Variants in TMEM117 observed in about 807,000 individuals in gnomAD.
TMEM117 encodes the protein transmembrane protein 117.
A neutral mutation model predicts 52.4 loss-of-function variants in TMEM117; 27 were observed. The observed-to-expected ratio is 0.51, with a 90% CI of 0.38 to 0.71. The LOEUF is 0.71. TMEM117 is among the 30% of genes least tolerant of loss of function. TMEM117 has a pLI of 0.00. For synonymous variants in TMEM117, 215 were observed against 206.3 expected, an observed-to-expected ratio of 1.04 and a Z score of -0.36; for missense variants, 556 against 630.5, an observed-to-expected ratio of 0.88 and a Z score of 1.26.
intron 3 of TMEM117, among the ~76,000 whole-genome samples, chr12:43,961,355 T>C (rs1266981207): frequency 6.6e-6 from 1 of 152,002 alleles, no homozygotes; most frequent in East Asian, 1.9e-4. Flanking sequence ...CATGCAATTG[T>C]AATAGTTATT....
At chr12:44,226,509 G>A (rs750743548) in intron 5 of TMEM117, among the ~76,000 whole-genome samples, 1 of 151,882 alleles carries the variant, frequency 6.6e-6, no homozygotes, top group Non-Finnish European at 1.5e-5. Context: ...ATATGTGTGT[G>A]TGTGTGTGTG....
At chr12:44,001,554 C>A (rs906313870) in intron 3 of TMEM117, among the ~76,000 whole-genome samples, 1 of 151,988 alleles carries the variant, frequency 6.6e-6, no homozygotes, top group Admixed American at 6.6e-5. Context: ...TTTGTGGGGG[C>A]TACACGGAGG....
chr12:43,888,329 C>T lies in TMEM117; in HGVS notation c.277+43401C>T, dbSNP rs75690895. 7.9e-3 allele frequency among the ~76,000 whole-genome samples: 1,200 copies of T among 152,210 alleles called. 10 individuals are homozygous for T. Among genetic ancestry groups the T allele is most frequent in the Middle Eastern group, 0.034 (10 of 294 alleles). ...GTGATTCTATGTAGTATGAATAATC[C>T]TTTCCCATATCTTATTGATCAGATA... On this transcript the variant is annotated intron_variant, in intron 2 of 7. Coordinates refer to ENST00000266534, the MANE Select transcript of TMEM117 (RefSeq NM_032256.3).
At chr12:44,170,807 C>T (rs1347968462) in intron 4 of TMEM117, among the ~76,000 whole-genome samples, 4 of 152,068 alleles carry the variant, frequency 2.6e-5, no homozygotes, top group South Asian at 2.1e-4. Context: ...AAAAATGATG[C>T]GGAGTACCTT....
chr12:44,197,489 A>G (rs1949436612), intron 4 of TMEM117, among the ~76,000 whole-genome samples: 1 of 152,174 alleles, frequency 6.6e-6, no homozygotes, highest in Non-Finnish European at 1.5e-5. Context: ...TTAGCCACCC[A>G]TAAGGAATGG....
chr12:43,982,840 G>A (rs892451562), intron 3 of TMEM117, among the ~76,000 whole-genome samples: 2 of 152,104 alleles, frequency 1.3e-5, no homozygotes, highest in South Asian at 2.1e-4. Context: ...AAAGACTTGA[G>A]CTATACAAAT....
At chr12:44,270,457 A>T (rs1320164078) in intron 5 of TMEM117, among the ~76,000 whole-genome samples, 1 of 152,148 alleles carries the variant, frequency 6.6e-6, no homozygotes, top group Non-Finnish European at 1.5e-5. Context: ...ATTTGTGTGC[A>T]TTAATTTTGT....
intron 5 of TMEM117, among the ~76,000 whole-genome samples, chr12:44,270,083 T>C (rs191117528): frequency 6.6e-6 from 1 of 152,294 alleles, no homozygotes; most frequent in East Asian, 1.9e-4. Context: ...ACATTCATTA[T>C]TTCATTTAAC....
At position 43,933,641 on chromosome 12, in the gene TMEM117, G is replaced by A. The variant is rs545796861; in HGVS notation, c.278-10569G>A. On this transcript the variant is annotated intron_variant, in intron 2 of 7. Transcript: ENST00000266534. ...TTCAGTGATGTGATCTCGGCTCACT[G>A]CAACCTCTGCCTCCGGGTTCAAGCT... Among the ~76,000 whole-genome samples the A allele has an allele frequency of 2.6e-4, 39 of 151,818 alleles. 1 individual carries two copies. The highest frequency in any genetic ancestry group is 8.7e-4 in the African/African-American group (36 of 41,346).
the TMEM117 span, chr12:43,805,758 G>T: frequency 3.7e-6 from 5 of 1,335,506 alleles, no homozygotes; most frequent in Non-Finnish European, 5.0e-6. Flanking sequence ...ATGTGAGAAA[G>T]ATTCTGGCAT....
intron 5 of TMEM117, among the ~76,000 whole-genome samples, chr12:44,245,985 A>G (rs569424377): frequency 2.6e-5 from 4 of 152,244 alleles, no homozygotes; most frequent in Admixed American, 6.5e-5. Flanking sequence ...TTTAAAAACT[A>G]CTTTTACTTG....
intron 6 of TMEM117, among the ~76,000 whole-genome samples, chr12:44,362,240 G>T (rs1165547641): frequency 2.0e-5 from 3 of 151,910 alleles, no homozygotes; most frequent in African/African-American, 7.3e-5. Context: ...CATCTGTTTT[G>T]GTCCTGGTTG....
At chr12:44,262,113 A>G (rs1223579075) in intron 5 of TMEM117, among the ~76,000 whole-genome samples, 2 of 152,140 alleles carry the variant, frequency 1.3e-5, no homozygotes, top group African/African-American at 2.4e-5. Flanking sequence ...TATTTTATGC[A>G]AAAAGTAAGT....
At chr12:43,801,207 G>C in the TMEM117 span, among the ~76,000 whole-genome samples, 9 of 152,160 alleles carry the variant, frequency 5.9e-5, no homozygotes, top group African/African-American at 2.2e-4. Context: ...TACGAATTAA[G>C]TTGTTAAGAA....
chr12:44,226,446 G>A (rs1020799929), intron 5 of TMEM117, among the ~76,000 whole-genome samples: 1 of 151,990 alleles, frequency 6.6e-6, no homozygotes, highest in African/African-American at 2.4e-5. Context: ...CTATCCTGAA[G>A]TAGGGAGAGT....
intron 4 of TMEM117, among the ~76,000 whole-genome samples, chr12:44,162,858 T>C (rs1417101911): frequency 6.6e-6 from 1 of 152,192 alleles, no homozygotes; most frequent in Non-Finnish European, 1.5e-5. Context: ...AAATCAAAGA[T>C]TTTTTAAAAA....
At position 44,136,577 on chromosome 12, in the gene TMEM117, A is replaced by C. The variant is rs970404374; in HGVS notation, c.411-6948A>C. Among the ~76,000 whole-genome samples, 5 of 152,062 alleles carry C rather than the reference A, an allele frequency of 3.3e-5. No homozygotes were observed. In the East Asian group the frequency reaches 7.7e-4, roughly 23 times the overall value. On this transcript the variant is annotated intron_variant, in intron 3 of 7. Transcript: ENST00000266534. The stretch of plus-strand genomic sequence containing the variant: ...GAATATATTTTGTTTCCTTTTTTTC[A>C]TATGGATAAAATAAATGTGTTTTAC...
At chr12:44,290,812 T>A (rs1019468253) in intron 5 of TMEM117, among the ~76,000 whole-genome samples, 1 of 152,018 alleles carries the variant, frequency 6.6e-6, no homozygotes, top group Non-Finnish European at 1.5e-5. Context: ...TGGTTATTAA[T>A]TTTTTATATA....
chr12:44,247,810 G>A (rs1950148935), intron 5 of TMEM117, among the ~76,000 whole-genome samples: 3 of 152,198 alleles, frequency 2.0e-5, no homozygotes, highest in African/African-American at 7.2e-5. Flanking sequence ...CGTTGAAGAG[G>A]TTAGTCCTGG....
Sources: allele counts gnomAD v4.1 joint callset (sites outside exome capture counted in the v4.1 genomes callset), GRCh38; gene constraint gnomAD v4.1.1; transcripts MANE v1.5; gene names NCBI Gene and HGNC (gene_info 2026-07-23, HGNC 2026-07-21).